The following DCBLD1 variants were observed in gnomAD, a reference collection of about 807,000 sequenced individuals.
DCBLD1 encodes the protein discoidin, CUB and LCCL domain-containing protein 1.
A neutral mutation model predicts 71.5 loss-of-function variants in DCBLD1; 57 were observed. The observed-to-expected ratio is 0.80, with a 90% CI of 0.64 to 0.99. The LOEUF (loss-of-function observed/expected upper bound fraction) is 0.99, where lower values mean the gene tolerates loss of function less well. DCBLD1 is among the 50% of genes least tolerant of loss of function. The pLI is 0.00. For missense variants in DCBLD1, 891 were observed against 923.5 expected, an observed-to-expected ratio of 0.96 and a Z score of 0.46; for synonymous variants, 380 against 363.8, an observed-to-expected ratio of 1.04 and a Z score of -0.51.
Position 117,519,863 on chromosome 6 carries a change from A to AC in DCBLD1, c.374dup (p.Ser126LysfsTer2). On this transcript the variant is annotated frameshift_variant, in exon 3 of 15. Transcript: ENST00000338728. LOFTEE classifies it high-confidence loss of function. ...TGTTCCCAAAGAACTCTTGTTGAAC[A>AC]CAAGTGAAGTAACCGTCCGCTTTGA... 6.2e-7 allele frequency: 1 copy of AC among 1,614,108 alleles called. No individual in the cohort carries two copies. The highest frequency in any genetic ancestry group is 8.5e-7 in the Non-Finnish European group (1 of 1,179,972).
chr6:117,563,422 G>A lies in DCBLD1; in HGVS notation c.1616-6198G>A, dbSNP rs1458788617. ...AGAAAAAAAAAGCAGACACTTTCTG[G>A]TTTAAAAAGTTGGTTTTGGTCAGGT... On this transcript the variant is annotated intron_variant, in intron 14 of 14. Coordinates refer to the DCBLD1 transcript ENST00000296955. 1.9e-6 allele frequency: 3 copies of A among 1,606,990 alleles called. No individual in the cohort carries two copies. The South Asian group carries it at 3.3e-5, about 18-fold the overall frequency.
Position 117,540,668 on chromosome 6 carries a change from G to T in DCBLD1, c.1102G>T (p.Val368Leu), listed in dbSNP as rs372268704. 53 of 1,614,002 alleles carry T rather than the reference G, an allele frequency of 3.3e-5. No homozygotes were observed. The highest frequency in any genetic ancestry group is 4.4e-5 in the Non-Finnish European group (52 of 1,180,032). The change falls in exon 10 of 15, where the codon GTG (valine) becomes TTG (leucine). Residue 368 changes from valine (V) to leucine (L), a missense_variant and splice_region_variant. Transcript: ENST00000338728. ...YKGIVNNEEK[V>L]FQGNSNFRDP... ...AGGTAAACATAATTTCCTTCTATAG[G>T]TGTTTCAGGGTAACTCTAACTTTCG...
At chr6:117,559,699 CT>C (rs1256313385) in intron 14 of DCBLD1, among the ~76,000 whole-genome samples, 1 of 152,158 alleles carries the variant, frequency 6.6e-6, no homozygotes, top group Non-Finnish European at 1.5e-5. Context: ...ATTTGCAATA[CT>C]TTTAAAGTGT....
intron 2 of DCBLD1, among the ~76,000 whole-genome samples, chr6:117,516,100 TC>T (rs371818612): frequency 1.3e-5 from 2 of 151,960 alleles, no homozygotes; most frequent in African/African-American, 4.8e-5. Context: ...ACACCTGTAA[TC>T]CCAGCACTTT....
intron 14 of DCBLD1, among the ~76,000 whole-genome samples, chr6:117,555,351 C>T (rs545325618): frequency 3.5e-4 from 54 of 152,148 alleles, no homozygotes; most frequent in African/African-American, 1.3e-3. Context: ...TGCCTTTTTC[C>T]TCTGAAAAAT....
At chr6:117,483,769 C>T (rs1199245747) in intron 1 of DCBLD1, among the ~76,000 whole-genome samples, 2 of 151,658 alleles carry the variant, frequency 1.3e-5, no homozygotes, top group Non-Finnish European at 2.9e-5. Flanking sequence ...TCCTCCCTTG[C>T]TCCTGGCCGT....
At chr6:117,497,748 T>A (rs929057) in intron 1 of DCBLD1, among the ~76,000 whole-genome samples, 91,236 of 152,070 alleles carry the variant, frequency 0.6, 29,250 homozygotes, top group African/African-American at 0.85. Flanking sequence ...TGACAGTCCG[T>A]GACTTCTTCC....
chr6:117,525,528 T>C (rs1243917020), intron 5 of DCBLD1, 94 bp downstream of exon 5: 3 of 933,964 alleles, frequency 3.2e-6, no homozygotes, highest in Non-Finnish European at 4.5e-6. Context: ...AAATGAGATA[T>C]AAAACTCTAG....
chr6:117,528,894 G>A (rs1778626307), intron 5 of DCBLD1, among the ~76,000 whole-genome samples: 1 of 152,190 alleles, frequency 6.6e-6, no homozygotes, highest in African/African-American at 2.4e-5. Flanking sequence ...AGGCTGGAGT[G>A]CAGTGGTGTG....
At chr6:117,538,013 T>C (rs1476765003) in intron 7 of DCBLD1, among the ~76,000 whole-genome samples, 1 of 152,244 alleles carries the variant, frequency 6.6e-6, no homozygotes, top group African/African-American at 2.4e-5. Flanking sequence ...ATAAAGGCTT[T>C]TGAGCTTCTC....
At chr6:117,538,976 T>A in intron 8 of DCBLD1, 141 bp downstream of exon 8, 1 of 921,390 alleles carries the variant, frequency 1.1e-6, no homozygotes, top group South Asian at 1.8e-5. Flanking sequence ...ATGTAACAAA[T>A]CTTTACATTC....
intron 14 of DCBLD1, among the ~76,000 whole-genome samples, chr6:117,569,162 C>T (rs189258383): frequency 2.7e-4 from 41 of 152,242 alleles, no homozygotes; most frequent in Middle Eastern, 3.4e-3. Flanking sequence ...TTTAATATTC[C>T]ATGACTAAAA....
intron 4 of DCBLD1, among the ~76,000 whole-genome samples, chr6:117,523,145 A>T (rs1275495896): frequency 6.6e-6 from 1 of 152,218 alleles, no homozygotes; most frequent in East Asian, 1.9e-4. Context: ...GCCTCTGGAC[A>T]TCAAATGGTC....
At chr6:117,505,299 A>G (rs192606090) in intron 2 of DCBLD1, among the ~76,000 whole-genome samples, 1 of 152,256 alleles carries the variant, frequency 6.6e-6, no homozygotes, top group Admixed American at 6.5e-5. Context: ...TCTAATGTGT[A>G]TTAACTTATG....
chr6:117,514,131 T>C (rs1778113095), intron 2 of DCBLD1, among the ~76,000 whole-genome samples: 1 of 152,324 alleles, frequency 6.6e-6, no homozygotes, highest in African/African-American at 2.4e-5. Context: ...ACTCTAGGAA[T>C]GTAATTATTA....
At chr6:117,547,876 C>G in intron 14 of DCBLD1, 31 bp from the exon 15 acceptor site, 4 of 1,550,286 alleles carry the variant, frequency 2.6e-6, no homozygotes, top group Non-Finnish European at 3.5e-6. Context: ...TGTGTGGTGC[C>G]CGCTAGCTGC....
At chr6:117,562,309 T>C in intron 14 of DCBLD1, 1 of 203,846 alleles carries the variant, frequency 4.9e-6, no homozygotes, top group Non-Finnish European at 1.0e-5. Flanking sequence ...AAAACTGCCG[T>C]TTGATTTGAA....
rs1352553397 is a variant in DCBLD1 at position 117,548,223 on chromosome 6, TGTGGGC to T, written c.1934_1939del (p.Val645_Gly646del). On this transcript the variant is annotated inframe_deletion, in exon 15 of 15. Transcript: ENST00000338728. ...CGGGCGGCTTCTCCCCCGTAGCGGG[TGTGGGC>T]GCCCAGGACGGAGACTATCAAAGGC... 5.2e-6 allele frequency: 8 copies of T among 1,550,328 alleles called. No homozygotes were observed. The highest frequency in any genetic ancestry group is 7.0e-6 in the Non-Finnish European group (8 of 1,146,926).
At chr6:117,525,270 G>C (rs984508228) in intron 4 of DCBLD1, 92 bp from the exon 5 acceptor site, 5 of 924,096 alleles carry the variant, frequency 5.4e-6, no homozygotes, top group Non-Finnish European at 7.2e-6. Context: ...ATTATATGGA[G>C]GGCAGAAAAT....
Sources: allele counts gnomAD v4.1 joint callset (sites outside exome capture counted in the v4.1 genomes callset), GRCh38; gene constraint gnomAD v4.1.1; transcripts MANE v1.5; gene names NCBI Gene and HGNC (gene_info 2026-07-23, HGNC 2026-07-21).